The following CHD1L variants were observed in gnomAD, a reference collection of about 807,000 sequenced individuals.
CHD1L encodes ATP-dependent chromatin remodeler CHD1L.
A neutral mutation model predicts 115.9 loss-of-function variants in CHD1L; 118 were observed. The observed-to-expected ratio is 1.02, with a 90% CI of 0.88 to 1.19. The LOEUF (loss-of-function observed/expected upper bound fraction) is 1.19. Ranked by LOEUF, CHD1L falls within the 50% of genes most tolerant of loss-of-function variation. The pLI is 0.00. For missense variants in CHD1L, 1,179 were observed against 1,065.3 expected, an observed-to-expected ratio of 1.11 and a Z score of -1.49; for synonymous variants, 411 against 387.1, an observed-to-expected ratio of 1.06 and a Z score of -0.72.
chr1:147,199,353 A>G, the CHD1L span, among the ~76,000 whole-genome samples: 1 of 152,192 alleles, frequency 6.6e-6, no homozygotes, highest in African/African-American at 2.4e-5. Context: ...CAGAATAAAA[A>G]ACCCAGAGTT....
the CHD1L span, among the ~76,000 whole-genome samples, chr1:147,174,016 C>T: frequency 2.0e-5 from 3 of 152,226 alleles, no homozygotes; most frequent in African/African-American, 7.2e-5. Flanking sequence ...ATAGGCCACC[C>T]TTTCTGAGTG....
In CHD1L at chr1:147,293,654, C is replaced by T; in HGVS notation, c.2438C>T (p.Ser813Phe). 2 of 1,614,138 alleles carry T rather than the reference C, an allele frequency of 1.2e-6. No homozygotes were observed. The highest frequency in any genetic ancestry group is 1.7e-6 in the Non-Finnish European group (2 of 1,180,022). ...AQHRDRSNVL[S>F]GIKMAALEEG... is the part of the protein sequence containing the mutation. Reference sequence around the variant, plus strand: ...CATCGTGATCGTTCCAATGTCCTGTCTGGCATTAAGATGGCAGCCCTAGAA... The same window carrying T: ...CATCGTGATCGTTCCAATGTCCTGTTTGGCATTAAGATGGCAGCCCTAGAA... The change falls in exon 21 of 23, where the codon TCT becomes TTT. Residue 813 changes from serine to phenylalanine, a missense_variant. By Grantham distance (155) the Ser-to-Phe change is radical (BLOSUM62 -2). Transcript: ENST00000369258.
the CHD1L span, among the ~76,000 whole-genome samples, chr1:147,219,527 T>G: frequency 6.6e-6 from 1 of 152,150 alleles, no homozygotes. Flanking sequence ...ACCAACATCA[T>G]ACTTAACAGT....
Position 147,286,473 on chromosome 1 carries a change from G to T in CHD1L, c.2194G>T (p.Glu732Ter). ...TGTCACCCACCCTCAGGCTGGGGCC[G>T]AGGATGCTCTCATTGTGCACTGCGT... ...GDVTHPQAGAEDALIVHCVDD... is the reference protein window; with the variant it reads ...GDVTHPQAGA Residue 732 changes from glutamate (E) to a stop codon, truncating the protein, a stop_gained, in exon 18 of 23, where the codon GAG becomes TAG. Coordinates refer to ENST00000369258, the MANE Select transcript of CHD1L (RefSeq NM_004284.6). LOFTEE classifies it high-confidence loss of function. The T allele has an allele frequency of 1.9e-6, 3 of 1,613,908 alleles. No homozygotes were observed. In the African/African-American group the frequency reaches 4.0e-5, roughly 22 times the overall value.
chr1:147,229,178 AT>A, the CHD1L span, among the ~76,000 whole-genome samples: 902 of 152,164 alleles, frequency 5.9e-3, 4 homozygotes, highest in Non-Finnish European at 9.4e-3. Flanking sequence ...TCTTGAATTA[AT>A]TTTTTATAAG....
the CHD1L span, chr1:147,184,518 C>A: frequency 6.5e-7 from 1 of 1,546,918 alleles, no homozygotes; most frequent in Non-Finnish European, 8.7e-7. This position sits in a 1 kb window ranked among gnomAD's most constrained non-coding sequence, Gnocchi z 4.4. Context: ...CCCTTTATTC[C>A]GGGACAATTT....
chr1:147,233,565 C>T, the CHD1L span, among the ~76,000 whole-genome samples: 2 of 152,094 alleles, frequency 1.3e-5, no homozygotes, highest in Admixed American at 1.3e-4. Flanking sequence ...AGAAGCCCCT[C>T]TGCCCGGCCA....
rs1553948161 is a variant in CHD1L at position 147,266,072 on chromosome 1, T to A, written c.880T>A (p.Leu294Met). ...ALQKKYYKAI[L>M]MKDLDAFENE... ...GCAGAAGAAATACTACAAGGCCATT[T>A]TGATGAAAGACCTAGGTAATCAGAG... is the stretch of plus-strand genomic sequence containing the variant. Residue 294 changes from leucine (L) to methionine (M), a missense_variant, in exon 8 of 23, where the codon TTG (leucine) becomes ATG (methionine). By Grantham distance (15) the Leu-to-Met change is conservative. Coordinates refer to ENST00000369258, the MANE Select transcript of CHD1L (RefSeq NM_004284.6). 1 of 1,611,082 alleles carries A rather than the reference T, an allele frequency of 6.2e-7. No homozygotes were observed. The highest frequency in any genetic ancestry group is 8.5e-7 in the Non-Finnish European group (1 of 1,178,958).
upstream of CHD1L, among the ~76,000 whole-genome samples, chr1:147,238,746 C>T (rs1010744846): frequency 3.7e-4 from 56 of 152,266 alleles, no homozygotes; most frequent in Non-Finnish European, 7.1e-4. Flanking sequence ...AAAATTGTTC[C>T]ACAGGCACCT....
chr1:147,196,569 T>C, the CHD1L span, among the ~76,000 whole-genome samples: 1 of 152,188 alleles, frequency 6.6e-6, no homozygotes, highest in East Asian at 1.9e-4. Flanking sequence ...CATCTTAGTC[T>C]AGAGCTCATG....
chr1:147,275,343 A>G lies in CHD1L; in HGVS notation c.1271-11A>G, dbSNP rs587747731. The G allele has an allele frequency of 5.6e-6, 9 of 1,602,650 alleles. No homozygotes were observed. Among genetic ancestry groups the G allele is most frequent in the African/African-American group, 4.0e-5 (3 of 74,700 alleles). ...TGCTGCTGATTACATTCCTTTTTGC[A>G]TTGTTTTCAGGTGGAGTTGGCATGA... is the stretch of plus-strand genomic sequence containing the variant. On this transcript the variant is annotated splice_polypyrimidine_tract_variant and intron_variant, in intron 12 of 22. Transcript: ENST00000369258.
At chr1:147,231,725 G>A in the CHD1L span, among the ~76,000 whole-genome samples, 18 of 152,124 alleles carry the variant, frequency 1.2e-4, no homozygotes, top group East Asian at 1.9e-3. Flanking sequence ...TAGGACCCTC[G>A]GAGCCAGGCA....
At chr1:147,280,255 T>C (rs587767042) in intron 15 of CHD1L, 64 bp downstream of exon 15, 4 of 1,471,796 alleles carry the variant, frequency 2.7e-6, no homozygotes, top group South Asian at 1.4e-5. Flanking sequence ...CACGTCCCCA[T>C]GGAAAGTTTT....
chr1:147,250,841 A>G (rs1668182402), intron 1 of CHD1L, among the ~76,000 whole-genome samples: 1 of 152,134 alleles, frequency 6.6e-6, no homozygotes, highest in Non-Finnish European at 1.5e-5. Flanking sequence ...GTCCCCAACC[A>G]CATCTCACCC....
the CHD1L span, among the ~76,000 whole-genome samples, chr1:147,190,768 G>A: frequency 7.9e-5 from 12 of 151,838 alleles, no homozygotes; most frequent in Admixed American, 4.6e-4. Context: ...GTGCCATGCT[G>A]GTGTGCAGCA....
the CHD1L span, chr1:147,204,963 C>T: frequency 2.2e-6 from 3 of 1,345,316 alleles, no homozygotes; most frequent in South Asian, 1.2e-5. Flanking sequence ...TTCACGTGAC[C>T]GCTCAGAAGA....
the CHD1L span, among the ~76,000 whole-genome samples, chr1:147,192,338 T>C: frequency 6.6e-6 from 1 of 152,116 alleles, no homozygotes; most frequent in Admixed American, 6.5e-5. Context: ...ATAAGACTGC[T>C]TGTGATTTTT....
At chr1:147,193,601 G>A in the CHD1L span, among the ~76,000 whole-genome samples, 2 of 151,846 alleles carry the variant, frequency 1.3e-5, no homozygotes, top group African/African-American at 4.8e-5. Context: ...GTGATGTTAG[G>A]GTGTCAATTT....
the CHD1L span, chr1:147,213,195 A>G: frequency 1.2e-6 from 1 of 830,558 alleles, no homozygotes; most frequent in South Asian, 3.3e-5. Context: ...AATAATTAGG[A>G]TAAGTCTTAC....
Sources: gnomAD v4.1 joint callset for allele counts (sites outside exome capture counted in the v4.1 genomes callset) on GRCh38, gnomAD v4.1.1 for gene constraint, Gnocchi (gnomAD v3.1) non-coding constraint, MANE v1.5 for transcripts, NCBI Gene and HGNC (gene_info 2026-07-23, HGNC 2026-07-21) for gene names.